The following MAP3K1 variants were observed in gnomAD, a reference collection of about 807,000 sequenced individuals.
The protein encoded by MAP3K1 is mitogen-activated protein kinase kinase kinase 1, also known as MAP/ERK kinase kinase 1.
Under a neutral mutation model 144.2 loss-of-function variants are expected in MAP3K1, and 36 were observed. That is an observed-to-expected ratio of 0.25 (90% CI 0.19 to 0.33). MAP3K1 has a LOEUF of 0.33. Among genes scored for constraint, MAP3K1 ranks in the 10% least tolerant of loss-of-function variants. The pLI, the probability that MAP3K1 is intolerant of heterozygous loss-of-function variation, is 1.00. For missense variants in MAP3K1, 1,650 were observed against 1,881.9 expected, an observed-to-expected ratio of 0.88 and a Z score of 2.28; for synonymous variants, 718 against 688.7, an observed-to-expected ratio of 1.04 and a Z score of -0.67.
intron 11 of MAP3K1, among the ~76,000 whole-genome samples, chr5:56,879,889 A>C (rs931021128): frequency 2.6e-5 from 4 of 152,160 alleles, no homozygotes; most frequent in African/African-American, 9.7e-5. Flanking sequence ...CATTTCACCC[A>C]TTTAGAGTTC....
chr5:56,874,769 A>G (rs944390877), intron 9 of MAP3K1, among the ~76,000 whole-genome samples: 6 of 152,182 alleles, frequency 3.9e-5, no homozygotes, highest in African/African-American at 1.2e-4. Flanking sequence ...ATGTATAGCC[A>G]TCTAGTGACT....
At position 56,895,976 on chromosome 5, in the gene MAP3K1, CAAAAAAA is replaced by C. The variant is rs34130917; in HGVS notation, c.*2308_*2314del. On this transcript the variant is annotated 3_prime_UTR_variant, in exon 20 of 20. Coordinates refer to ENST00000399503, the MANE Select transcript of MAP3K1 (RefSeq NM_005921.2). ...CACCTTACTGTGTAAGCAAATGTTA[CAAAAAAA>C]AAAAAAAAAAATCTCTGGGTTAAGA... 17 of 182,188 alleles carry C rather than the reference CAAAAAAA, an allele frequency of 9.3e-5. No homozygotes were observed. In the South Asian group the frequency reaches 1.4e-3, roughly 15 times the overall value. The allele number at this position is 182,188 out of a possible 1,614,324, so 11.3% of individuals were successfully genotyped here.
intron 17 of MAP3K1, among the ~76,000 whole-genome samples, chr5:56,886,426 C>T (rs1420022605): frequency 6.6e-6 from 1 of 152,012 alleles, no homozygotes; most frequent in East Asian, 1.9e-4. Context: ...AAAAATGGAC[C>T]TTTGTTGATA....
At chr5:56,841,497 A>G (rs1356326178) in intron 1 of MAP3K1, among the ~76,000 whole-genome samples, 2 of 152,152 alleles carry the variant, frequency 1.3e-5, no homozygotes, top group African/African-American at 4.8e-5. Flanking sequence ...TGGTGATGAT[A>G]CCTTAAGAAA....
intron 6 of MAP3K1, among the ~76,000 whole-genome samples, chr5:56,871,606 C>G (rs1747854450): frequency 6.6e-6 from 1 of 152,074 alleles, no homozygotes; most frequent in Non-Finnish European, 1.5e-5. Flanking sequence ...TTGGTCTATT[C>G]AAAAGGTACA....
intron 1 of MAP3K1, among the ~76,000 whole-genome samples, chr5:56,839,702 C>T (rs770323505): frequency 6.6e-6 from 1 of 152,088 alleles, no homozygotes; most frequent in Non-Finnish European, 1.5e-5. Context: ...TCTGGTTTCC[C>T]CCTGACACCC....
At chr5:56,887,608 A>G in intron 18 of MAP3K1, 88 bp downstream of exon 18, 1 of 1,386,744 alleles carries the variant, frequency 7.2e-7, no homozygotes, top group South Asian at 1.2e-5. Flanking sequence ...AGTGGTATCC[A>G]GTATGTACTT....
Position 56,815,587 on chromosome 5 carries a change from C to T in MAP3K1, c.14C>T (p.Ala5Val), listed in dbSNP as rs1561156036. The change falls in exon 1 of 20, where the codon GCG becomes GTG. Residue 5 changes from alanine to valine, a missense_variant. By Grantham distance (64) the Ala-to-Val change is moderately conservative. This residue lies in a region of MAP3K1 where 360 missense variants were observed against 274.7 expected (regional missense o/e 1.31). Transcript: ENST00000399503. MAAAAGNRASSSGFP... is the reference protein window; with the variant it reads MAAAVGNRASSSGFP... ...CCGCGAGAGAAAATGGCGGCGGCGG[C>T]GGGGAATCGCGCCTCGTCGTCGGGA... 3 of 1,295,438 alleles carry T rather than the reference C, an allele frequency of 2.3e-6. No individual in the cohort carries two copies. The highest frequency in any genetic ancestry group is 2.9e-4 in the Middle Eastern group (1 of 3,416). The allele number at this position is 1,295,438 out of a possible 1,614,324, so 80.2% of individuals were successfully genotyped here.
intron 19 of MAP3K1, among the ~76,000 whole-genome samples, chr5:56,890,905 G>C (rs2111970098): frequency 6.6e-6 from 1 of 151,958 alleles, no homozygotes; most frequent in African/African-American, 2.4e-5. Context: ...AATTAGCTGG[G>C]CATAGTGAGA....
chr5:56,841,787 G>A (rs551149214), intron 1 of MAP3K1, among the ~76,000 whole-genome samples: 1 of 152,280 alleles, frequency 6.6e-6, no homozygotes, highest in South Asian at 2.1e-4. Flanking sequence ...CAAAAAGGTT[G>A]TGAATTTCTT....
At chr5:56,877,968 A>C (rs1405724785) in intron 10 of MAP3K1, among the ~76,000 whole-genome samples, 1 of 152,136 alleles carries the variant, frequency 6.6e-6, no homozygotes, top group Non-Finnish European at 1.5e-5. Flanking sequence ...TCATGATTAG[A>C]TGGAAGTTAC....
intron 10 of MAP3K1, among the ~76,000 whole-genome samples, chr5:56,878,497 C>G (rs759614267): frequency 6.6e-6 from 1 of 152,078 alleles, no homozygotes; most frequent in Non-Finnish European, 1.5e-5. Context: ...CTCATTCCTT[C>G]TACATTAATT....
intron 1 of MAP3K1, chr5:56,841,911 T>C (rs1746826798): frequency 6.6e-6 from 1 of 152,218 alleles, no homozygotes; most frequent in Admixed American, 6.5e-5. Flanking sequence ...GGAGTAGTAG[T>C]TCAGTGGTGC....
Position 56,881,613 on chromosome 5 carries a change from A to C in MAP3K1, c.2413A>C (p.Ile805Leu), listed in dbSNP as rs1174486706. 2 of 1,613,834 alleles carry C rather than the reference A, an allele frequency of 1.2e-6. No homozygotes were observed. Among genetic ancestry groups the C allele is most frequent in the African/African-American group, 1.3e-5 (1 of 74,886 alleles). Residue 805 changes from isoleucine to leucine, a missense_variant, in exon 14 of 20, where the codon ATT (isoleucine) becomes CTT (leucine). This residue lies in a region of MAP3K1 where 841 missense variants were observed against 886.5 expected (regional missense o/e 0.95). Transcript: ENST00000399503. ...CCTCTTAACCTTTGCTTTGCAGTCCATTGATAATTCCCACTCAATGGTTGG... is the reference window on the plus strand; with the variant it reads ...CCTCTTAACCTTTGCTTTGCAGTCCCTTGATAATTCCCACTCAATGGTTGG... Reference protein sequence around the residue: ...LSLLTFALQSIDNSHSMVGKL... With the variant: ...LSLLTFALQSLDNSHSMVGKL...
intron 1 of MAP3K1, among the ~76,000 whole-genome samples, chr5:56,823,684 CTA>C (rs1426544616): frequency 2.0e-5 from 3 of 152,304 alleles, no homozygotes; most frequent in African/African-American, 7.2e-5. Flanking sequence ...AAAGTCTAGA[CTA>C]TGGTGTTTCA....
intron 1 of MAP3K1, among the ~76,000 whole-genome samples, chr5:56,830,784 GTATT>G (rs1581210639): frequency 6.6e-6 from 1 of 151,814 alleles, no homozygotes; most frequent in Non-Finnish European, 1.5e-5. Flanking sequence ...CATTTTGTGT[GTATT>G]TAGAGCACAT....
chr5:56,876,440 C>G (rs979909369), intron 10 of MAP3K1, among the ~76,000 whole-genome samples: 6 of 152,168 alleles, frequency 3.9e-5, no homozygotes, highest in Non-Finnish European at 7.3e-5. Context: ...CTAATGCATC[C>G]TCTACCGATT....
chr5:56,888,813 T>C (rs748181685), intron 19 of MAP3K1, among the ~76,000 whole-genome samples: 33 of 152,164 alleles, frequency 2.2e-4, no homozygotes, highest in Non-Finnish European at 4.1e-4. Context: ...CATTTTCAAC[T>C]TAAAAAAATA....
At chr5:56,886,188 G>A (rs1451835626) in intron 17 of MAP3K1, 125 bp downstream of exon 17, 1 of 739,678 alleles carries the variant, frequency 1.4e-6, no homozygotes, top group Admixed American at 2.1e-5. Flanking sequence ...TGGATCACTT[G>A]AGGTCAGGAG....
Sources: gnomAD v4.1 joint callset for allele counts (sites outside exome capture counted in the v4.1 genomes callset) on GRCh38, gnomAD v4.1.1 for gene constraint, gnomAD v4.1.1 regional missense constraint, MANE v1.5 for transcripts, NCBI Gene and HGNC (gene_info 2026-07-23, HGNC 2026-07-21) for gene names.